ADGRB3: variants seen among roughly 807,000 people sequenced by gnomAD.
ADGRB3 encodes the protein adhesion G protein-coupled receptor B3.
A neutral mutation model predicts 193.4 loss-of-function variants in ADGRB3; 37 were observed. The observed-to-expected ratio is 0.19, with a 90% CI of 0.15 to 0.25. ADGRB3 has a LOEUF of 0.25. Among genes scored for constraint, ADGRB3 ranks in the 10% least tolerant of loss-of-function variants. ADGRB3 has a pLI of 1.00. For synonymous variants in ADGRB3, 690 were observed against 644.2 expected (o/e 1.07, Z -1.08); for missense variants, 1,637 against 1,852.9 (o/e 0.88, Z 2.14).
At chr6:68,921,528 G>T (rs1383018597) in intron 3 of ADGRB3, among the ~76,000 whole-genome samples, 3 of 152,126 alleles carry the variant, frequency 2.0e-5, no homozygotes, top group Non-Finnish European at 4.4e-5. Context: ...TCGGTGGGGG[G>T]TGTGGAATGT....
In ADGRB3 at chr6:68,958,869, TAGTGTG is replaced by T. The variant is rs1210160401; in HGVS notation, c.1525+2061_1525+2066del. Among the ~76,000 whole-genome samples, 483 of 86,988 alleles carry T rather than the reference TAGTGTG, an allele frequency of 5.6e-3. 7 individuals are homozygous for T. Among genetic ancestry groups the T allele is most frequent in the African/African-American group, 0.019 (459 of 24,406 alleles). 57.1% of individuals were successfully genotyped at this position (86,988 alleles called of 152,430 possible). Reference sequence around the variant, plus strand: ...CTACTTATACAGGGGCAAAGAAAAATAGTGTGTGTGTGTGTGTGTGTGTGTGTGTGT... The same window carrying T: ...CTACTTATACAGGGGCAAAGAAAAATTGTGTGTGTGTGTGTGTGTGTGTGT... On this transcript the variant is annotated intron_variant, in intron 8 of 31. Coordinates refer to ENST00000370598, the MANE Select transcript of ADGRB3 (RefSeq NM_001704.3).
intron 8 of ADGRB3, among the ~76,000 whole-genome samples, chr6:68,968,322 G>A (rs187117130): frequency 7.3e-4 from 111 of 152,164 alleles, no homozygotes; most frequent in Non-Finnish European, 3.8e-4. Context: ...AGGGAGCAAC[G>A]AAGTACCTTT....
intron 3 of ADGRB3, among the ~76,000 whole-genome samples, chr6:68,882,010 T>G (rs1765747334): frequency 1.3e-5 from 2 of 152,196 alleles, no homozygotes; most frequent in Admixed American, 1.3e-4. Context: ...GAATCCTTCC[T>G]TGTACAGTAT....
chr6:69,261,381 G>T (rs879727775), intron 20 of ADGRB3, among the ~76,000 whole-genome samples: 10 of 151,978 alleles, frequency 6.6e-5, no homozygotes, highest in Non-Finnish European at 1.5e-4. Context: ...TATATAGAAT[G>T]AAGAACTATC....
intron 3 of ADGRB3, among the ~76,000 whole-genome samples, chr6:68,814,708 C>G (rs982148848): frequency 1.3e-5 from 2 of 152,072 alleles, no homozygotes; most frequent in Non-Finnish European, 2.9e-5. Flanking sequence ...GACCAATATC[C>G]CTGATGAACA....
rs569453230 is a variant in ADGRB3 at position 69,039,895 on chromosome 6, C to A, written c.2108-8290C>A. ...TAGCTGGGACTACAGGCGCGTGCCA[C>A]CACACCCAGCTAATTTTTGTATTTT... On this transcript the variant is annotated intron_variant, in intron 13 of 31. Coordinates refer to ENST00000370598, the MANE Select transcript of ADGRB3 (RefSeq NM_001704.3). Among the ~76,000 whole-genome samples, 94 of 151,830 alleles carry A rather than the reference C, an allele frequency of 6.2e-4. 1 individual carries two copies. Among genetic ancestry groups the A allele is most frequent in the African/African-American group, 2.1e-3 (86 of 41,426 alleles).
chr6:69,028,100 A>G (rs1050343136), intron 13 of ADGRB3, among the ~76,000 whole-genome samples: 6 of 152,204 alleles, frequency 3.9e-5, no homozygotes, highest in Non-Finnish European at 7.3e-5. Context: ...TTCTGTCATC[A>G]TCCCACCATA....
At chr6:69,164,635 GC>G (rs1775085007) in intron 17 of ADGRB3, among the ~76,000 whole-genome samples, 1 of 152,094 alleles carries the variant, frequency 6.6e-6, no homozygotes. Context: ...GTAGAGATAA[GC>G]ACTCATAAGA....
At chr6:68,640,458 A>G (rs1217314396) in intron 3 of ADGRB3, among the ~76,000 whole-genome samples, 2 of 152,210 alleles carry the variant, frequency 1.3e-5, no homozygotes. Context: ...AGGTTAATGG[A>G]TGTTGTGTTC....
intron 11 of ADGRB3, among the ~76,000 whole-genome samples, chr6:68,994,394 G>C: frequency 6.6e-6 from 1 of 152,084 alleles, no homozygotes; most frequent in East Asian, 1.9e-4. Flanking sequence ...GCTATTAGTG[G>C]GGGAAAAACA....
At chr6:69,283,331 C>G (rs552636498) in intron 20 of ADGRB3, among the ~76,000 whole-genome samples, 3 of 152,250 alleles carry the variant, frequency 2.0e-5, no homozygotes, top group Non-Finnish European at 4.4e-5. Flanking sequence ...CAGCCCAGAC[C>G]TGGGGCCTGC....
chr6:69,057,928 A>T (rs1017790981), intron 15 of ADGRB3, among the ~76,000 whole-genome samples: 1 of 151,844 alleles, frequency 6.6e-6, no homozygotes, highest in Non-Finnish European at 1.5e-5. Context: ...GTCTGATTTC[A>T]GTATCCAGGT....
chr6:68,788,768 A>G (rs1344995243), intron 3 of ADGRB3, among the ~76,000 whole-genome samples: 9 of 152,162 alleles, frequency 5.9e-5, no homozygotes, highest in Admixed American at 5.9e-4. Context: ...AAAGTCTCCC[A>G]TTATTAATGT....
At chr6:68,715,949 G>A (rs760720632) in intron 3 of ADGRB3, among the ~76,000 whole-genome samples, 9 of 151,650 alleles carry the variant, frequency 5.9e-5, no homozygotes, top group Non-Finnish European at 8.9e-5. Context: ...ATCTGGTGGC[G>A]GGGGAATGCT....
intron 3 of ADGRB3, among the ~76,000 whole-genome samples, chr6:68,673,364 C>A (rs976518711): frequency 6.6e-6 from 1 of 152,036 alleles, no homozygotes; most frequent in Non-Finnish European, 1.5e-5. Context: ...TGCCATTTAA[C>A]AGGAGAAAAA....
At chr6:69,230,618 A>G (rs1766113103) in intron 17 of ADGRB3, among the ~76,000 whole-genome samples, 1 of 152,242 alleles carries the variant, frequency 6.6e-6, no homozygotes, top group South Asian at 2.1e-4. Context: ...AGTTAAAAAA[A>G]ACTCTCATGA....
At position 69,360,991 on chromosome 6, in the gene ADGRB3, T is replaced by A; in HGVS notation, c.3718T>A (p.Leu1240Met). The change falls in exon 29 of 32, where the codon TTG becomes ATG. Residue 1240 changes from leucine (L) to methionine (M), a missense_variant. By Grantham distance (15) the Leu-to-Met change is conservative. Transcript: ENST00000370598. Reference sequence around the variant, plus strand: ...CCCTGAAGGGCTAAGCTATTCAACATTGCCTGGAAATGTCATTTCCAAAGT... The same window carrying A: ...CCCTGAAGGGCTAAGCTATTCAACAATGCCTGGAAATGTCATTTCCAAAGT... ...TNPEGLSYST[L>M]PGNVISKVII... 1 of 1,612,742 alleles carries A rather than the reference T, an allele frequency of 6.2e-7. No individual in the cohort carries two copies. The highest frequency in any genetic ancestry group is 2.2e-5 in the East Asian group (1 of 44,830).
chr6:69,062,729 G>A (rs1771785008), intron 15 of ADGRB3, among the ~76,000 whole-genome samples: 1 of 151,852 alleles, frequency 6.6e-6, no homozygotes, highest in African/African-American at 2.4e-5. Context: ...ATCTAAAATG[G>A]TAAAATGGCC....
At chr6:68,916,473 G>T (rs997378795) in intron 3 of ADGRB3, among the ~76,000 whole-genome samples, 2 of 152,152 alleles carry the variant, frequency 1.3e-5, no homozygotes, top group Non-Finnish European at 2.9e-5. Flanking sequence ...GTAATGGACA[G>T]TTAATATTCC....
Sources: allele counts gnomAD v4.1 joint callset (sites outside exome capture counted in the v4.1 genomes callset), GRCh38; gene constraint gnomAD v4.1.1; transcripts MANE v1.5; gene names NCBI Gene and HGNC (gene_info 2026-07-23, HGNC 2026-07-21).